HGF: variants seen among roughly 807,000 people sequenced by gnomAD.
HGF encodes fibroblast-derived tumor cytotoxic factor.
A neutral mutation model predicts 111.6 loss-of-function variants in HGF; 39 were observed. That is an observed-to-expected ratio of 0.35 (90% CI 0.27 to 0.46). The LOEUF (loss-of-function observed/expected upper bound fraction) is 0.46, where lower values mean the gene tolerates loss of function less well. Ranked by LOEUF, HGF falls within the 20% of genes least tolerant of loss-of-function variation. HGF has a pLI of 1.00. For synonymous variants in HGF, 285 were observed against 294.8 expected (o/e 0.97, Z 0.34); for missense variants, 735 against 910.5 (o/e 0.81, Z 2.48).
chr7:81,766,121 G>C (rs901480672), intron 1 of HGF, among the ~76,000 whole-genome samples: 1 of 152,068 alleles, frequency 6.6e-6, no homozygotes, highest in Non-Finnish European at 1.5e-5. Flanking sequence ...CAGAAAGTAG[G>C]GTCAAATGTA....
In HGF at chr7:81,707,291, G is replaced by A. The variant is rs2115778493; in HGVS notation, c.1615C>T (p.Arg539Ter). The A allele has an allele frequency of 6.4e-7, 1 of 1,557,468 alleles. No homozygotes were observed. Among genetic ancestry groups the A allele is most frequent in the Non-Finnish European group, 8.9e-7 (1 of 1,129,134 alleles). ...VLTARQCFPS[R>*]DLKDYEAWLG... Reference sequence around the variant, plus strand: ...ATACTAGTTTTAAAAACACTTTACCGAGAAGGGAAACACTGTCGTGCAGTA... The same window carrying A: ...ATACTAGTTTTAAAAACACTTTACCAAGAAGGGAAACACTGTCGTGCAGTA... The change falls in exon 14 of 18, where the codon CGA (arginine) becomes TGA (stop). Residue 539 changes from arginine (R) to a stop codon, truncating the protein, a stop_gained and splice_region_variant. Coordinates refer to ENST00000222390, the MANE Select transcript of HGF (RefSeq NM_000601.6). LOFTEE classifies it high-confidence loss of function.
intron 1 of HGF, among the ~76,000 whole-genome samples, chr7:81,764,840 A>T (rs1455980736): frequency 6.6e-6 from 1 of 152,018 alleles, no homozygotes; most frequent in African/African-American, 2.4e-5. Flanking sequence ...TTCCATTAAG[A>T]GTTTCTCTTT....
intron 2 of HGF, among the ~76,000 whole-genome samples, chr7:81,759,171 G>C (rs1395233322): frequency 2.0e-5 from 3 of 152,064 alleles, no homozygotes; most frequent in Non-Finnish European, 2.9e-5. Context: ...CAGAAAGTTG[G>C]AATATTTTTA....
chr7:81,761,278 A>G lies in HGF; in HGVS notation c.254+1429T>C, dbSNP rs191195172. On this transcript the variant is annotated intron_variant, in intron 2 of 17. Coordinates refer to ENST00000222390, the MANE Select transcript of HGF (RefSeq NM_000601.6). Reference sequence around the variant, plus strand: ...TCATAGGAATATACTTGCAAAGTCAATTCCCACTCCTCTTGCCAGGAACTA... The same window carrying G: ...TCATAGGAATATACTTGCAAAGTCAGTTCCCACTCCTCTTGCCAGGAACTA... 3.3e-5 allele frequency among the ~76,000 whole-genome samples: 5 copies of G among 152,328 alleles called. No individual in the cohort carries two copies. The East Asian group carries it at 9.6e-4, about 29-fold the overall frequency.
At chr7:81,750,958 G>T in intron 5 of HGF, 1 of 935,092 alleles carries the variant, frequency 1.1e-6, no homozygotes, top group Non-Finnish European at 1.3e-6. Flanking sequence ...AGGTTATAGG[G>T]AACAGAATAT....
At chr7:81,713,685 G>A (rs1789632174) in intron 11 of HGF, among the ~76,000 whole-genome samples, 1 of 152,006 alleles carries the variant, frequency 6.6e-6, no homozygotes, top group African/African-American at 2.4e-5. Flanking sequence ...GGGGATTCTG[G>A]GTTGGTGGCC....
intron 5 of HGF, chr7:81,751,227 G>T: frequency 1.0e-6 from 1 of 962,832 alleles, no homozygotes; most frequent in Non-Finnish European, 1.2e-6. Flanking sequence ...CATTCCAGTA[G>T]TCCCCCTCCC....
intron 14 of HGF, among the ~76,000 whole-genome samples, chr7:81,706,917 G>T (rs1789441676): frequency 6.6e-6 from 1 of 151,710 alleles, no homozygotes; most frequent in Non-Finnish European, 1.5e-5. Flanking sequence ...TGATCCTGAG[G>T]CTGACTCTAC....
At chr7:81,755,929 A>G (rs956280096) in intron 4 of HGF, 1 of 684,878 alleles carries the variant, frequency 1.5e-6, no homozygotes, top group Admixed American at 2.1e-5. Flanking sequence ...CCCAGTGTGG[A>G]GCAACAAACT....
intron 11 of HGF, among the ~76,000 whole-genome samples, chr7:81,712,814 T>C (rs375809056): frequency 2.0e-5 from 3 of 152,336 alleles, no homozygotes; most frequent in African/African-American, 7.2e-5. Flanking sequence ...GTGATTGTTA[T>C]TTATGAGGAT....
chr7:81,713,989 CGTGTGTGTGTGTGTGTGTGTGT>C (rs10539468), intron 11 of HGF, among the ~76,000 whole-genome samples: 1 of 142,320 alleles, frequency 7.0e-6, no homozygotes, highest in African/African-American at 2.6e-5. Flanking sequence ...GGTGTGTGTG[CGTGTGTGTGTGTGTGTGTGTGT>C]GTGTGTGTGT....
intron 11 of HGF, among the ~76,000 whole-genome samples, chr7:81,712,620 G>A (rs1036860642): frequency 1.3e-5 from 2 of 152,186 alleles, no homozygotes; most frequent in African/African-American, 4.8e-5. Context: ...TACTTATGCT[G>A]TAATGAATGA....
intron 5 of HGF, 27 bp downstream of exon 5, chr7:81,752,093 G>A: frequency 6.2e-7 from 1 of 1,612,948 alleles, no homozygotes; most frequent in Non-Finnish European, 8.5e-7. Flanking sequence ...GAATAGAATG[G>A]CCCACATGGC....
chr7:81,747,134 C>T (rs1407004255), intron 5 of HGF, among the ~76,000 whole-genome samples: 5 of 152,018 alleles, frequency 3.3e-5, no homozygotes, highest in Non-Finnish European at 7.4e-5. Flanking sequence ...GTCAGGAGAT[C>T]GAGACCATCC....
rs1206159405 is a variant in HGF, at chr7:81,701,131, T to C, written c.*1450A>G. On this transcript the variant is annotated 3_prime_UTR_variant, in exon 18 of 18. Transcript: ENST00000222390. ...CTTTAGCTAAGCATGACAAATACAATGATAAATATGATAATTTGGCTGTTA... is the reference window on the plus strand; with the variant it reads ...CTTTAGCTAAGCATGACAAATACAACGATAAATATGATAATTTGGCTGTTA... 1 of 151,568 alleles carries C rather than the reference T, an allele frequency of 6.6e-6. No homozygotes were observed. Among genetic ancestry groups the C allele is most frequent in the Non-Finnish European group, 1.5e-5 (1 of 67,648 alleles). 9.4% of individuals were successfully genotyped at this position (151,568 alleles called of 1,614,324 possible).
Position 81,746,604 on chromosome 7 carries a change from T to C in HGF, c.626-1484A>G, listed in dbSNP as rs572476118. ...ACTAGGGTCACACATAAAAGATAAGTATTCATATGTACAATTTCTACTCTT... is the reference window on the plus strand; with the variant it reads ...ACTAGGGTCACACATAAAAGATAAGCATTCATATGTACAATTTCTACTCTT... On this transcript the variant is annotated intron_variant, in intron 5 of 17. Transcript: ENST00000222390. Among the ~76,000 whole-genome samples the C allele has an allele frequency of 1.4e-3, 216 of 152,280 alleles. 1 individual carries two copies. The highest frequency in any genetic ancestry group is 4.9e-3 in the African/African-American group (205 of 41,552).
At chr7:81,742,165 G>A (rs1250351757) in intron 7 of HGF, among the ~76,000 whole-genome samples, 1 of 152,056 alleles carries the variant, frequency 6.6e-6, no homozygotes, top group Non-Finnish European at 1.5e-5. Flanking sequence ...CAATTTCCTT[G>A]GAACACAGTG....
chr7:81,751,337 G>C, intron 5 of HGF: 1 of 984,634 alleles, frequency 1.0e-6, no homozygotes, highest in Non-Finnish European at 1.2e-6. Context: ...GAAAAATCCG[G>C]CTATTCAGTA....
At chr7:81,717,149 C>T in intron 11 of HGF, 83 bp downstream of exon 11, 1 of 1,388,740 alleles carries the variant, frequency 7.2e-7, no homozygotes, top group Admixed American at 1.7e-5. Context: ...AAATGCCAGA[C>T]CACCTATATT....
Sources: gnomAD v4.1 joint callset for allele counts (sites outside exome capture counted in the v4.1 genomes callset) on GRCh38, gnomAD v4.1.1 for gene constraint, MANE v1.5 for transcripts, NCBI Gene and HGNC (gene_info 2026-07-23, HGNC 2026-07-21) for gene names.